RASGEF1C: variants seen among roughly 807,000 people sequenced by gnomAD.
RASGEF1C encodes the protein ras-GEF domain-containing family member 1C.
In RASGEF1C, 27 loss-of-function variants were observed where a neutral mutation model predicts 58.1. The ratio of observed to expected loss-of-function variants is 0.46; its 90% CI spans 0.34 to 0.64. The LOEUF (loss-of-function observed/expected upper bound fraction) is 0.64, where lower values mean the gene tolerates loss of function less well. RASGEF1C is among the 30% of genes least tolerant of loss of function. The pLI is 0.01. For missense variants in RASGEF1C, 502 were observed against 605.1 expected (o/e 0.83, Z 1.79); for synonymous variants, 243 against 246.3 (o/e 0.99, Z 0.13).
chr5:180,128,238 T>C (rs528000247), intron 5 of RASGEF1C, among the ~76,000 whole-genome samples, 172 bp downstream of exon 5: 196 of 152,334 alleles, frequency 1.3e-3, no homozygotes, highest in Middle Eastern at 0.01. Flanking sequence ...TCCCTCTCCC[T>C]GGGGTGGGCC....
chr5:180,103,149 C>T lies in RASGEF1C; in HGVS notation c.1304-1006G>A, dbSNP rs539366497. 9.8e-5 allele frequency among the ~76,000 whole-genome samples: 15 copies of T among 152,326 alleles called. No individual in the cohort carries two copies. In the South Asian group the frequency reaches 2.7e-3, roughly 27 times the overall value. On this transcript the variant is annotated intron_variant, in intron 12 of 13. Transcript: ENST00000361132. The stretch of plus-strand genomic sequence containing the variant: ...CTGGAGTGCAGTGGCGCGATCTCGG[C>T]TCACTGCAAGCTCTGCCTCCCGGGT...
At chr5:180,130,938 G>A (rs139039130) in intron 4 of RASGEF1C, among the ~76,000 whole-genome samples, 664 of 152,176 alleles carry the variant, frequency 4.4e-3, no homozygotes, top group African/African-American at 0.015. Flanking sequence ...GGTGGATAGC[G>A]CGTCGGCCAC....
At chr5:180,190,470 A>T (rs1756140472) in intron 1 of RASGEF1C, among the ~76,000 whole-genome samples, 1 of 122,558 alleles carries the variant, frequency 8.2e-6, no homozygotes, top group Non-Finnish European at 1.7e-5. Context: ...AGACTGGGTG[A>T]CAGAGTGAGA....
At chr5:180,190,767 A>T (rs1194219644) in intron 1 of RASGEF1C, among the ~76,000 whole-genome samples, 3 of 152,136 alleles carry the variant, frequency 2.0e-5, no homozygotes, top group Non-Finnish European at 4.4e-5. Flanking sequence ...AAAATCTATA[A>T]ATTGGAGTTA....
At chr5:180,182,407 G>GC (rs1031837113) in intron 1 of RASGEF1C, among the ~76,000 whole-genome samples, 44 of 152,090 alleles carry the variant, frequency 2.9e-4, no homozygotes, top group African/African-American at 9.9e-4. Flanking sequence ...GTGAGCAGCC[G>GC]CAAGATTTAT....
rs148020036 is a variant in RASGEF1C, at chr5:180,197,888, G to A, written c.-7+11140C>T. On this transcript the variant is annotated intron_variant, in intron 1 of 13. Coordinates refer to ENST00000361132, the MANE Select transcript of RASGEF1C (RefSeq NM_175062.4). This position sits in a 1 kb window ranked among gnomAD's most constrained non-coding sequence, Gnocchi z 4.7. ...TCCTCTGCAGGGGCACTAATTAGCT[G>A]ATTCCAAGAGTCTGCACTGCGTCCC... Among the ~76,000 whole-genome samples the A allele has an allele frequency of 1.4e-3, 207 of 152,368 alleles. 1 individual carries two copies. Among genetic ancestry groups the A allele is most frequent in the Non-Finnish European group, 2.2e-3 (150 of 68,042 alleles).
At chr5:180,110,486 T>G (rs1315380295) in intron 12 of RASGEF1C, among the ~76,000 whole-genome samples, 2 of 149,650 alleles carry the variant, frequency 1.3e-5, no homozygotes, top group Non-Finnish European at 3.0e-5. Flanking sequence ...AAGCCAGGTC[T>G]TCTGCGTCCT....
chr5:180,114,233 G>A (rs559595285), intron 11 of RASGEF1C, among the ~76,000 whole-genome samples: 7 of 152,310 alleles, frequency 4.6e-5, no homozygotes, highest in East Asian at 1.9e-4. Context: ...GCCGTGCGGC[G>A]CAGCCTGGAT....
At chr5:180,204,089 G>GTGTC (rs1177699411) in intron 1 of RASGEF1C, among the ~76,000 whole-genome samples, 1 of 152,216 alleles carries the variant, frequency 6.6e-6, no homozygotes, top group Admixed American at 6.5e-5. Flanking sequence ...GTGGGGGTCA[G>GTGTC]CATCCCTAAC....
intron 4 of RASGEF1C, among the ~76,000 whole-genome samples, chr5:180,134,944 C>T (rs546471372): frequency 8.1e-5 from 12 of 148,718 alleles, no homozygotes; most frequent in South Asian, 2.2e-4. Flanking sequence ...CCTGCCTATC[C>T]AATTACCCAG....
At chr5:180,182,163 C>T (rs968927369) in intron 1 of RASGEF1C, among the ~76,000 whole-genome samples, 2 of 137,596 alleles carry the variant, frequency 1.5e-5, no homozygotes, top group Non-Finnish European at 3.0e-5. Flanking sequence ...CGAGATCGCG[C>T]CACTGAACTC....
intron 1 of RASGEF1C, among the ~76,000 whole-genome samples, chr5:180,152,587 T>C (rs370343169): frequency 5.3e-5 from 7 of 133,162 alleles, no homozygotes; most frequent in African/African-American, 1.9e-4. Flanking sequence ...GGGGGAGGGA[T>C]AGCATTAGGA....
chr5:180,112,898 GGAGGGACCGTGGATGGACA>G (rs1222036801), intron 11 of RASGEF1C, among the ~76,000 whole-genome samples: 154 of 150,304 alleles, frequency 1.0e-3, no homozygotes, highest in Non-Finnish European at 1.7e-3. Flanking sequence ...GGGGATGGAC[GGAGGGACCGTGGATGGACA>G]GAGGGATCCG....
chr5:180,207,588 C>T (rs538421967), intron 1 of RASGEF1C, among the ~76,000 whole-genome samples: 1 of 152,204 alleles, frequency 6.6e-6, no homozygotes, highest in Non-Finnish European at 1.5e-5. Flanking sequence ...CGGGCTCCCC[C>T]TCGCCAGTCC....
intron 10 of RASGEF1C, 77 bp downstream of exon 10, chr5:180,118,532 G>C: frequency 7.7e-7 from 1 of 1,295,660 alleles, no homozygotes; most frequent in African/African-American, 1.5e-5. Flanking sequence ...GGGGGCAGGA[G>C]CTGCAGCAAG....
At chr5:180,166,809 C>T (rs1767030982) in intron 1 of RASGEF1C, among the ~76,000 whole-genome samples, 1 of 152,156 alleles carries the variant, frequency 6.6e-6, no homozygotes, top group African/African-American at 2.4e-5. Flanking sequence ...AGCCATTGCA[C>T]CCAGCCCCGA....
chr5:180,194,943 A>C (rs1756238819), intron 1 of RASGEF1C, among the ~76,000 whole-genome samples: 1 of 152,188 alleles, frequency 6.6e-6, no homozygotes, highest in South Asian at 2.1e-4. Flanking sequence ...GGTCTGCTGA[A>C]GGTTGACAGG....
At chr5:180,166,515 CTTTT>C (rs543849836) in intron 1 of RASGEF1C, among the ~76,000 whole-genome samples, 4 of 137,892 alleles carry the variant, frequency 2.9e-5, no homozygotes, top group Non-Finnish European at 1.6e-5. Flanking sequence ...AAGAATTTTT[CTTTT>C]TTTTTTTTTT....
At chr5:180,109,259 A>G (rs1277259315) in intron 12 of RASGEF1C, among the ~76,000 whole-genome samples, 3 of 152,110 alleles carry the variant, frequency 2.0e-5, no homozygotes, top group South Asian at 2.1e-4. Context: ...GATTGAGACC[A>G]TCCTGGCTAA....
Sources: gnomAD v4.1 joint callset for allele counts (sites outside exome capture counted in the v4.1 genomes callset) on GRCh38, gnomAD v4.1.1 for gene constraint, Gnocchi (gnomAD v3.1) non-coding constraint, MANE v1.5 for transcripts, NCBI Gene and HGNC (gene_info 2026-07-23, HGNC 2026-07-21) for gene names.